EXOC4: variants seen among roughly 807,000 people sequenced by gnomAD.
EXOC4 encodes SEC8-like 1.
In EXOC4, 71 loss-of-function variants were observed where a neutral mutation model predicts 107.2. That is an observed-to-expected ratio of 0.66 (90% confidence interval 0.55 to 0.81). EXOC4 has a LOEUF of 0.81. EXOC4 is among the 30% of genes least tolerant of loss of function. The pLI is 0.00. For synonymous variants in EXOC4, 456 were observed against 441.2 expected, an observed-to-expected ratio of 1.03 and a Z score of -0.42; for missense variants, 1,108 against 1,189.6, an observed-to-expected ratio of 0.93 and a Z score of 1.01.
the EXOC4 span, among the ~76,000 whole-genome samples, chr7:134,086,762 A>G: frequency 3.3e-5 from 5 of 152,188 alleles, no homozygotes; most frequent in Admixed American, 6.5e-5. Flanking sequence ...GTAGAGGAAT[A>G]AAAGAATGGC....
intron 9 of EXOC4, among the ~76,000 whole-genome samples, chr7:133,529,491 G>C (rs1007648755): frequency 1.3e-5 from 2 of 152,094 alleles, no homozygotes; most frequent in Admixed American, 1.3e-4. Context: ...TACTCCATTT[G>C]ATTGTAGCAA....
At chr7:133,879,108 T>G (rs1042765297) in intron 11 of EXOC4, among the ~76,000 whole-genome samples, 2 of 152,120 alleles carry the variant, frequency 1.3e-5, no homozygotes, top group Admixed American at 6.5e-5. Context: ...TGGTTATTTT[T>G]TATTTATTTT....
At chr7:133,884,411 C>G (rs56358145) in intron 11 of EXOC4, among the ~76,000 whole-genome samples, 17,725 of 152,168 alleles carry the variant, frequency 0.12, 1,143 homozygotes, top group Middle Eastern at 0.15. Flanking sequence ...GCTGGTGTTC[C>G]ATGAAATCGG....
intron 13 of EXOC4, among the ~76,000 whole-genome samples, chr7:133,918,007 G>T (rs1407852251): frequency 5.4e-5 from 8 of 148,106 alleles, no homozygotes; most frequent in Admixed American, 4.7e-4. Flanking sequence ...TTTTGAGACA[G>T]AGTCTCACTC....
chr7:133,306,137 T>C, intron 4 of EXOC4, 76 bp downstream of exon 4: 1 of 1,257,920 alleles, frequency 7.9e-7, no homozygotes, highest in Non-Finnish European at 1.1e-6. Context: ...TCCCAGAATG[T>C]TGTTGTAATT....
intron 7 of EXOC4, among the ~76,000 whole-genome samples, chr7:133,426,780 G>C (rs902249089): frequency 1.8e-4 from 28 of 152,196 alleles, no homozygotes; most frequent in African/African-American, 6.3e-4. Flanking sequence ...GGTTATTATT[G>C]AATATTAACA....
intron 17 of EXOC4, among the ~76,000 whole-genome samples, chr7:134,013,177 T>C (rs1237075004): frequency 6.6e-6 from 1 of 152,188 alleles, no homozygotes; most frequent in Non-Finnish European, 1.5e-5. Context: ...AAAGGCCAAA[T>C]TGGCAGCCTC....
At chr7:133,800,035 CCA>C (rs1796902400) in intron 10 of EXOC4, among the ~76,000 whole-genome samples, 1 of 147,118 alleles carries the variant, frequency 6.8e-6, no homozygotes, top group Admixed American at 6.8e-5. Context: ...ATCCATCCAT[CCA>C]TCCACCCACC....
At chr7:133,667,214 G>A (rs1017458558) in intron 10 of EXOC4, among the ~76,000 whole-genome samples, 1 of 152,164 alleles carries the variant, frequency 6.6e-6, no homozygotes, top group Admixed American at 6.5e-5. Flanking sequence ...TTTAGACAAA[G>A]GACACCTCTC....
At chr7:134,010,940 C>T (rs1258146370) in intron 17 of EXOC4, among the ~76,000 whole-genome samples, 1 of 151,644 alleles carries the variant, frequency 6.6e-6, no homozygotes, top group East Asian at 1.9e-4. Flanking sequence ...TCTAACTAAT[C>T]TCTAAATGAG....
At chr7:133,542,249 T>C (rs1465579133) in intron 9 of EXOC4, among the ~76,000 whole-genome samples, 1 of 151,932 alleles carries the variant, frequency 6.6e-6, no homozygotes, top group African/African-American at 2.4e-5. Context: ...CATTTTTATG[T>C]TTAGGTTCAA....
intron 9 of EXOC4, among the ~76,000 whole-genome samples, chr7:133,523,913 T>A (rs1800028997): frequency 6.6e-6 from 1 of 151,812 alleles, no homozygotes; most frequent in Non-Finnish European, 1.5e-5. Context: ...TACGTGTGCA[T>A]GTGTCTTTAT....
intron 9 of EXOC4, among the ~76,000 whole-genome samples, chr7:133,503,634 T>C (rs1202325732): frequency 2.0e-5 from 3 of 152,204 alleles, no homozygotes; most frequent in Admixed American, 1.3e-4. Flanking sequence ...AGTGCTGATC[T>C]TCATGTTCTT....
intron 17 of EXOC4, among the ~76,000 whole-genome samples, chr7:134,016,159 A>G (rs1585323824): frequency 6.6e-6 from 1 of 152,248 alleles, no homozygotes; most frequent in East Asian, 1.9e-4. Flanking sequence ...GGTTGTGGTG[A>G]GTATAAGATG....
At chr7:133,619,202 T>C (rs1030724823) in intron 9 of EXOC4, among the ~76,000 whole-genome samples, 3 of 152,240 alleles carry the variant, frequency 2.0e-5, no homozygotes, top group African/African-American at 7.2e-5. Context: ...AATGGCACCA[T>C]GTTTTGCAAC....
intron 9 of EXOC4, among the ~76,000 whole-genome samples, chr7:133,619,656 A>C (rs1232894717): frequency 6.6e-6 from 1 of 152,236 alleles, no homozygotes; most frequent in Non-Finnish European, 1.5e-5. Flanking sequence ...TCTTGCTGTT[A>C]CAGGAATTAC....
At chr7:133,541,365 A>G (rs1042837647) in intron 9 of EXOC4, among the ~76,000 whole-genome samples, 5 of 152,198 alleles carry the variant, frequency 3.3e-5, no homozygotes, top group African/African-American at 1.2e-4. Context: ...CCTGATAGCT[A>G]TAGAAACTGT....
intron 10 of EXOC4, among the ~76,000 whole-genome samples, chr7:133,717,893 C>T (rs1763954174): frequency 6.6e-6 from 1 of 152,164 alleles, no homozygotes; most frequent in Admixed American, 6.5e-5. Flanking sequence ...AAAGGATCAC[C>T]TCTCTTATAA....
At chr7:133,744,072 A>G in intron 10 of EXOC4, among the ~76,000 whole-genome samples, 1 of 152,102 alleles carries the variant, frequency 6.6e-6, no homozygotes, top group Non-Finnish European at 1.5e-5. Flanking sequence ...ATGTACCAAC[A>G]TCATTTCATT....
Sources: gnomAD v4.1 joint callset for allele counts (sites outside exome capture counted in the v4.1 genomes callset) on GRCh38, gnomAD v4.1.1 for gene constraint, MANE v1.5 for transcripts, NCBI Gene and HGNC (gene_info 2026-07-23, HGNC 2026-07-21) for gene names.